TBC1D22A: variants seen among roughly 807,000 people sequenced by gnomAD.
TBC1D22A encodes the protein TBC1 domain family member 22A.
TBC1D22A carries 38 observed loss-of-function variants against 60.2 expected under a neutral mutation model. The observed-to-expected ratio is 0.63, with a 90% confidence interval of 0.49 to 0.83. TBC1D22A has a LOEUF of 0.83. Among genes scored for constraint, TBC1D22A ranks in the 40% least tolerant of loss-of-function variants. The pLI is 0.00. For missense variants in TBC1D22A, 628 were observed against 701.0 expected (o/e 0.90, Z 1.18); for synonymous variants, 302 against 281.7 (o/e 1.07, Z -0.72).
At chr22:47,037,457 C>G (rs1444601279) in intron 11 of TBC1D22A, among the ~76,000 whole-genome samples, 1 of 152,060 alleles carries the variant, frequency 6.6e-6, no homozygotes, top group African/African-American at 2.4e-5. Context: ...ATGGCAAAAC[C>G]CCGTCTCTAC....
rs1291482555 is a variant in TBC1D22A at position 46,990,684 on chromosome 22, T to C, written c.1126-6950T>C. ...TCCACCCAACCCCTGGGCTTTTTAC[T>C]GTCTCCATAGTTTCACCTTTGCCAG... On this transcript the variant is annotated intron_variant, in intron 9 of 12. Transcript: ENST00000337137. This position sits in a 1 kb window ranked among gnomAD's most constrained non-coding sequence, Gnocchi z 4.6. Among the ~76,000 whole-genome samples, 1 of 152,156 alleles carries C rather than the reference T, an allele frequency of 6.6e-6. No homozygotes were observed. Among genetic ancestry groups the C allele is most frequent in the Non-Finnish European group, 1.5e-5 (1 of 68,020 alleles).
intron 12 of TBC1D22A, among the ~76,000 whole-genome samples, chr22:47,145,261 C>T (rs2067246946): frequency 2.0e-5 from 3 of 152,152 alleles, no homozygotes; most frequent in South Asian, 2.1e-4. Context: ...AGAGGCTCGG[C>T]GTCATCCTTT....
chr22:47,137,772 C>T (rs1307694171), intron 12 of TBC1D22A, among the ~76,000 whole-genome samples: 1 of 152,116 alleles, frequency 6.6e-6, no homozygotes, highest in Non-Finnish European at 1.5e-5. Flanking sequence ...GGGCCTCCCA[C>T]GAGGTTGGAG....
rs6007604 is a variant in TBC1D22A, at chr22:47,108,644, C to T, written c.1330-2864C>T. Reference sequence around the variant, plus strand: ...GTGATGGTGTTTTCACAGCTATATGCGTATATCAAAACTTATCAAATTATA... The same window carrying T: ...GTGATGGTGTTTTCACAGCTATATGTGTATATCAAAACTTATCAAATTATA... On this transcript the variant is annotated intron_variant, in intron 11 of 12. Transcript: ENST00000337137. Among the ~76,000 whole-genome samples the T allele has an allele frequency of 8.5e-5, 13 of 152,230 alleles. No individual in the cohort carries two copies. The East Asian group carries it at 9.6e-4, about 11-fold the overall frequency.
chr22:46,789,144 TTG>T, intron 1 of TBC1D22A: 1 of 153,084 alleles, frequency 6.5e-6, no homozygotes, highest in Non-Finnish European at 1.5e-5. Context: ...TTTTTTTTTT[TTG>T]AGACAGAGTC....
intron 4 of TBC1D22A, among the ~76,000 whole-genome samples, chr22:46,803,309 C>T (rs1231711637): frequency 6.6e-6 from 1 of 152,190 alleles, no homozygotes; most frequent in African/African-American, 2.4e-5. Context: ...ACCGGGGTCA[C>T]CCCGGGCTGG....
chr22:47,103,208 T>TA (rs1228253311), intron 11 of TBC1D22A, among the ~76,000 whole-genome samples: 1 of 152,202 alleles, frequency 6.6e-6, no homozygotes, highest in Admixed American at 6.5e-5. Context: ...TTCCTACTCT[T>TA]AGTCTTGGGG....
chr22:47,077,708 G>T (rs906527282), intron 11 of TBC1D22A, among the ~76,000 whole-genome samples: 1 of 152,236 alleles, frequency 6.6e-6, no homozygotes. Flanking sequence ...CGAAGGCTGC[G>T]GTGGCAGAAG....
intron 11 of TBC1D22A, among the ~76,000 whole-genome samples, chr22:47,060,475 G>T (rs897306593): frequency 2.0e-5 from 3 of 152,118 alleles, no homozygotes; most frequent in Non-Finnish European, 2.9e-5. Flanking sequence ...CTGTAGCCCA[G>T]GCTAGAGTGC....
intron 10 of TBC1D22A, among the ~76,000 whole-genome samples, chr22:47,006,899 T>G (rs2061610878): frequency 1.3e-5 from 2 of 152,192 alleles, no homozygotes; most frequent in Admixed American, 1.3e-4. Flanking sequence ...GAGGAAGTAT[T>G]GCTGGGTTGA....
chr22:46,789,780 A>AT (rs987300075), intron 1 of TBC1D22A, among the ~76,000 whole-genome samples: 62 of 151,816 alleles, frequency 4.1e-4, no homozygotes, highest in African/African-American at 1.4e-3. Flanking sequence ...ACCCTTCTTT[A>AT]TTTTTTTTTA....
chr22:47,039,934 C>CATTTTTTTTTT (rs2062782641), intron 11 of TBC1D22A, among the ~76,000 whole-genome samples: 1 of 86,866 alleles, frequency 1.2e-5, no homozygotes, highest in African/African-American at 5.3e-5. Context: ...GGTGCCACAG[C>CATTTTTTTTTT]CTTTTTTTTT....
chr22:46,859,019 G>C (rs57350368), intron 4 of TBC1D22A, among the ~76,000 whole-genome samples: 25,674 of 78,606 alleles, frequency 0.33, 1,272 homozygotes, highest in African/African-American at 0.41. Context: ...AATCCTTTTC[G>C]ATAGAGGTCC....
chr22:46,764,683 A>T (rs1257805129), intron 1 of TBC1D22A, among the ~76,000 whole-genome samples: 4 of 152,226 alleles, frequency 2.6e-5, no homozygotes, highest in African/African-American at 9.6e-5. Context: ...GTCAACTAGT[A>T]TTTTTATAAA....
In TBC1D22A at chr22:46,974,285, C is replaced by T. The variant is rs763320388; in HGVS notation, c.1016-5C>T. 3.1e-5 allele frequency: 50 copies of T among 1,587,606 alleles called. No homozygotes were observed. The highest frequency in any genetic ancestry group is 2.8e-5 in the Non-Finnish European group (33 of 1,167,218). ...CTTGTCTTTTGCATGCTCGGCGCCGCCCAGAGGCAGAGGAGGTGGACACGG... is the reference window on the plus strand; with the variant it reads ...CTTGTCTTTTGCATGCTCGGCGCCGTCCAGAGGCAGAGGAGGTGGACACGG... On this transcript the variant is annotated splice_polypyrimidine_tract_variant and splice_region_variant and intron_variant, in intron 8 of 12. Coordinates refer to ENST00000337137, the MANE Select transcript of TBC1D22A (RefSeq NM_014346.5).
intron 9 of TBC1D22A, among the ~76,000 whole-genome samples, chr22:46,981,847 G>C (rs763221250): frequency 6.6e-6 from 1 of 152,222 alleles, no homozygotes; most frequent in South Asian, 2.1e-4. Context: ...GGGAGGACGT[G>C]TACTGCACAG....
intron 8 of TBC1D22A, among the ~76,000 whole-genome samples, chr22:46,962,803 A>G (rs1419766973): frequency 6.6e-6 from 1 of 152,230 alleles, no homozygotes; most frequent in Non-Finnish European, 1.5e-5. Flanking sequence ...AAATTGGGAT[A>G]AAATTAGACC....
At chr22:46,827,711 G>T (rs2086130890) in intron 4 of TBC1D22A, among the ~76,000 whole-genome samples, 1 of 152,088 alleles carries the variant, frequency 6.6e-6, no homozygotes, top group South Asian at 2.1e-4. Flanking sequence ...GCCTTAGGTG[G>T]GCTTCTGAAG....
chr22:46,988,269 T>C (rs1033056891), intron 9 of TBC1D22A, among the ~76,000 whole-genome samples: 3 of 152,222 alleles, frequency 2.0e-5, no homozygotes, highest in African/African-American at 7.2e-5. Flanking sequence ...CATTCACGAA[T>C]GTTAGAATCA....
Sources: gnomAD v4.1 joint callset for allele counts (sites outside exome capture counted in the v4.1 genomes callset) on GRCh38, gnomAD v4.1.1 for gene constraint, Gnocchi (gnomAD v3.1) non-coding constraint, MANE v1.5 for transcripts, NCBI Gene and HGNC (gene_info 2026-07-23, HGNC 2026-07-21) for gene names.